The following NBEA variants were observed in gnomAD, a reference collection of about 807,000 sequenced individuals.
NBEA encodes the protein neurobeachin.
Under a neutral mutation model 343.4 loss-of-function variants are expected in NBEA, and 44 were observed. That is an observed-to-expected ratio of 0.13 (90% confidence interval 0.10 to 0.16). The LOEUF is 0.16. Ranked by LOEUF, NBEA falls within the 10% of genes least tolerant of loss-of-function variation. The probability of loss-of-function intolerance (pLI) is 1.00; values close to 1 mark genes in which losing one functional copy is unlikely to be tolerated. For missense variants in NBEA, 2,555 were observed against 3,631.3 expected, an observed-to-expected ratio of 0.70 and a Z score of 7.62; for synonymous variants, 1,175 against 1,238.7, an observed-to-expected ratio of 0.95 and a Z score of 1.08.
At chr13:34,944,413 GTTTTTTTCC>G (rs1235002771) in intron 1 of NBEA, among the ~76,000 whole-genome samples, 1 of 152,154 alleles carries the variant, frequency 6.6e-6, no homozygotes, top group African/African-American at 2.4e-5. Context: ...AGTTGAAGCT[GTTTTTTTCC>G]TTTTGCTAGT....
chr13:35,362,344 G>C (rs2040853900), intron 38 of NBEA, among the ~76,000 whole-genome samples: 1 of 151,774 alleles, frequency 6.6e-6, no homozygotes, highest in African/African-American at 2.4e-5. Context: ...ATTTATATAT[G>C]TGTGTGTATG....
intron 1 of NBEA, among the ~76,000 whole-genome samples, chr13:35,012,646 A>G (rs2061524610): frequency 6.6e-6 from 1 of 152,218 alleles, no homozygotes; most frequent in African/African-American, 2.4e-5. Flanking sequence ...TCCAAATCTA[A>G]AGACTGTGCC....
intron 41 of NBEA, among the ~76,000 whole-genome samples, chr13:35,505,822 A>G (rs1455407029): frequency 6.6e-6 from 1 of 152,192 alleles, no homozygotes; most frequent in Non-Finnish European, 1.5e-5. Flanking sequence ...AATTGATTTT[A>G]AATTAATTAG....
At chr13:35,195,222 G>A (rs1335576755) in intron 30 of NBEA, among the ~76,000 whole-genome samples, 1 of 152,082 alleles carries the variant, frequency 6.6e-6, no homozygotes, top group East Asian at 1.9e-4. Context: ...CAAAGGATAA[G>A]AGGGGAACAT....
chr13:35,119,916 T>C (rs1002663966), intron 16 of NBEA, among the ~76,000 whole-genome samples: 5 of 152,152 alleles, frequency 3.3e-5, no homozygotes, highest in African/African-American at 1.2e-4. Flanking sequence ...GAGTTTGAGC[T>C]ATATGAAACT....
At chr13:35,005,142 T>C (rs921002663) in intron 1 of NBEA, among the ~76,000 whole-genome samples, 2 of 152,146 alleles carry the variant, frequency 1.3e-5, no homozygotes, top group African/African-American at 2.4e-5. Context: ...TAGCATTTGT[T>C]CTGGACTATC....
intron 1 of NBEA, among the ~76,000 whole-genome samples, chr13:35,033,213 T>G (rs1008373361): frequency 2.6e-5 from 4 of 151,990 alleles, no homozygotes; most frequent in African/African-American, 9.7e-5. Context: ...AGTTTCATTC[T>G]TCTGCATACA....
chr13:35,475,308 CAG>C, intron 41 of NBEA: 1 of 1,614,056 alleles, frequency 6.2e-7, no homozygotes, highest in East Asian at 2.2e-5. Flanking sequence ...CGTAGGAAAC[CAG>C]AGTCTTCATA....
At chr13:35,478,974 G>T (rs2076006798) in intron 41 of NBEA, among the ~76,000 whole-genome samples, 1 of 152,264 alleles carries the variant, frequency 6.6e-6, no homozygotes. Context: ...CGCAGGTGGC[G>T]CATCTTCGGG....
chr13:35,639,789 A>T lies in NBEA; in HGVS notation c.7618-6080A>T, dbSNP rs932176514. Among the ~76,000 whole-genome samples, 9 of 152,148 alleles carry T rather than the reference A, an allele frequency of 5.9e-5. No homozygotes were observed. The South Asian group carries it at 8.3e-4, about 14-fold the overall frequency. ...TGGGTACCATAACCTATAGTACTTT[A>T]TAAAATGCTGATTTTTCTGAAAAAC... On this transcript the variant is annotated intron_variant, in intron 49 of 58. Transcript: ENST00000379939.
At chr13:35,211,719 T>C (rs1434030048) in intron 33 of NBEA, among the ~76,000 whole-genome samples, 2 of 151,908 alleles carry the variant, frequency 1.3e-5, no homozygotes, top group East Asian at 3.9e-4. Context: ...GGAGGGAGGC[T>C]AGGGCAGGAG....
At chr13:35,413,164 T>G (rs545517684) in intron 38 of NBEA, among the ~76,000 whole-genome samples, 2 of 152,112 alleles carry the variant, frequency 1.3e-5, no homozygotes, top group South Asian at 4.1e-4. Flanking sequence ...CACATCAACA[T>G]GATTAAGTTC....
chr13:35,118,536 AT>A, intron 16 of NBEA, 62 bp downstream of exon 16: 1 of 1,189,058 alleles, frequency 8.4e-7, no homozygotes. Flanking sequence ...TCCTCCTAGA[AT>A]AACTGCTATT....
chr13:35,629,619 T>C lies in NBEA; in HGVS notation c.7617+1371T>C, dbSNP rs533179423. On this transcript the variant is annotated intron_variant, in intron 49 of 58. Coordinates refer to ENST00000379939, the MANE Select transcript of NBEA (RefSeq NM_001385012.1). Reference sequence around the variant, plus strand: ...AAAACATAGAGACAGAATGAATGAATGAGAGAGAAGGCAGGTGTTATGAAA... The same window carrying C: ...AAAACATAGAGACAGAATGAATGAACGAGAGAGAAGGCAGGTGTTATGAAA... Among the ~76,000 whole-genome samples the C allele has an allele frequency of 3.3e-5, 5 of 152,244 alleles. No homozygotes were observed. In the South Asian group the frequency reaches 1.0e-3, roughly 32 times the overall value.
chr13:35,178,907 T>A (rs1194254154), intron 28 of NBEA, among the ~76,000 whole-genome samples: 1 of 151,472 alleles, frequency 6.6e-6, no homozygotes, highest in Non-Finnish European at 1.5e-5. Context: ...TTTTTTTTAA[T>A]GAATGAATGA....
At chr13:35,563,778 T>C (rs1380445731) in intron 44 of NBEA, among the ~76,000 whole-genome samples, 1 of 152,004 alleles carries the variant, frequency 6.6e-6, no homozygotes, top group East Asian at 1.9e-4. Context: ...ATAATAGACA[T>C]GAAATATGGC....
intron 30 of NBEA, among the ~76,000 whole-genome samples, chr13:35,189,697 C>T (rs2072026610): frequency 1.3e-5 from 2 of 151,876 alleles, no homozygotes; most frequent in Admixed American, 1.3e-4. Context: ...GTAAGTGGAA[C>T]TTCGGGAAGA....
At chr13:35,057,591 A>G (rs1417768332) in intron 7 of NBEA, among the ~76,000 whole-genome samples, 1 of 152,094 alleles carries the variant, frequency 6.6e-6, no homozygotes, top group African/African-American at 2.4e-5. Context: ...ACAACCAATA[A>G]ATATTTAATA....
intron 30 of NBEA, among the ~76,000 whole-genome samples, chr13:35,194,075 A>G (rs2072404630): frequency 6.6e-6 from 1 of 152,020 alleles, no homozygotes; most frequent in Admixed American, 6.6e-5. Context: ...TCTGATGCTT[A>G]TCCTAGAAAA....
Sources: gnomAD v4.1 joint callset for allele counts (sites outside exome capture counted in the v4.1 genomes callset) on GRCh38, gnomAD v4.1.1 for gene constraint, MANE v1.5 for transcripts, NCBI Gene and HGNC (gene_info 2026-07-23, HGNC 2026-07-21) for gene names.